Variants in RTTN observed in about 807,000 individuals in gnomAD.
The protein encoded by RTTN is rotatin.
Under a neutral mutation model 269.2 loss-of-function variants are expected in RTTN, and 182 were observed. The ratio of observed to expected loss-of-function variants is 0.68; its 90% CI spans 0.60 to 0.76. The LOEUF (loss-of-function observed/expected upper bound fraction) is 0.76. Ranked by LOEUF, RTTN falls within the 30% of genes least tolerant of loss-of-function variation. The pLI is 0.00. For missense variants in RTTN, 2,545 were observed against 2,608.6 expected (o/e 0.98, Z 0.53); for synonymous variants, 1,006 against 963.5 (o/e 1.04, Z -0.82).
chr18:70,014,569 C>T (rs930597571), intron 46 of RTTN, among the ~76,000 whole-genome samples: 2 of 152,180 alleles, frequency 1.3e-5, no homozygotes, highest in Non-Finnish European at 2.9e-5. Flanking sequence ...CTGCTAAGTA[C>T]CCACAGGCAC....
In RTTN at chr18:70,150,668, T is replaced by G. The variant is rs2145795042; in HGVS notation, c.1995A>C (p.Leu665=). ...VSSLCNGIHF[L]LHPKVLYEIS... ...TTTCATACAGAACTTTTGGATGAAG[T>G]AGAAAATGAATTCCATTGCAAAGTG... Residue 665 remains leucine (L), a synonymous_variant, in exon 15 of 49, where the codon CTA becomes CTC. Transcript: ENST00000640769. 6.2e-7 allele frequency: 1 copy of G among 1,611,742 alleles called. No individual in the cohort carries two copies. The highest frequency in any genetic ancestry group is 8.5e-7 in the Non-Finnish European group (1 of 1,178,086).
At chr18:70,046,702 A>T (rs1479959957) in intron 40 of RTTN, among the ~76,000 whole-genome samples, 1 of 152,180 alleles carries the variant, frequency 6.6e-6, no homozygotes, top group Non-Finnish European at 1.5e-5. Flanking sequence ...GCCTCCCAAG[A>T]ATAAGAGGCT....
In RTTN at chr18:70,088,094, G is replaced by A. The variant is rs1405776284; in HGVS notation, c.4197C>T (p.Gly1399=). 1 of 1,613,922 alleles carries A rather than the reference G, an allele frequency of 6.2e-7. No homozygotes were observed. Residue 1399 remains glycine, a synonymous_variant, in exon 31 of 49, where the codon GGC becomes GGT. Transcript: ENST00000640769. ...GACAACTGTTTGCTAAGGCCACACA[G>A]CCCGTTTCAAGGGTGGTCAGTGCTG... ...LGSALTTLET[G]CVALANSCQN...
chr18:70,169,988 T>C (rs910902905), intron 11 of RTTN, among the ~76,000 whole-genome samples: 1 of 152,174 alleles, frequency 6.6e-6, no homozygotes, highest in Admixed American at 6.5e-5. Flanking sequence ...TACCTTTAAA[T>C]GAATATAGTT....
chr18:70,082,506 C>T (rs1438753261), intron 32 of RTTN, among the ~76,000 whole-genome samples: 5 of 152,250 alleles, frequency 3.3e-5, no homozygotes, highest in South Asian at 2.1e-4. Flanking sequence ...TTCAGGGATA[C>T]GGATTTCTGA....
rs1599396964 is a variant in RTTN, at chr18:70,073,934, G to C, written c.4625C>G (p.Pro1542Arg). ...APSRTSQDRD[P>R]SSLSTSETTV... ...TGTTTCTGAGGTGGAGAGAGAACTTGGATCTCGATCCTGACTTGTCCTAGA... is the reference window on the plus strand; with the variant it reads ...TGTTTCTGAGGTGGAGAGAGAACTTCGATCTCGATCCTGACTTGTCCTAGA... The change falls in exon 34 of 49, where the codon CCA becomes CGA. Residue 1542 changes from proline to arginine, a missense_variant. Pro to Arg is a moderately radical substitution (Grantham distance 103, BLOSUM62 -2). Coordinates refer to ENST00000640769, the MANE Select transcript of RTTN (RefSeq NM_173630.4). The C allele has an allele frequency of 3.7e-6, 6 of 1,611,508 alleles. No individual in the cohort carries two copies. In the East Asian group the frequency reaches 1.3e-4, roughly 36 times the overall value.
At chr18:70,005,173 T>C (rs1168873401) in intron 48 of RTTN, 25 bp downstream of exon 48, 3 of 1,558,076 alleles carry the variant, frequency 1.9e-6, no homozygotes, top group East Asian at 4.5e-5. Flanking sequence ...AGTTTAACTA[T>C]AATCTCTTTC....
intron 34 of RTTN, among the ~76,000 whole-genome samples, chr18:70,067,912 A>G (rs2144989408): frequency 6.6e-6 from 1 of 152,352 alleles, no homozygotes; most frequent in Admixed American, 6.5e-5. Flanking sequence ...AGTCCACAGA[A>G]GGGATACACA....
intron 34 of RTTN, among the ~76,000 whole-genome samples, chr18:70,067,316 C>T (rs575391636): frequency 2.6e-5 from 4 of 152,052 alleles, no homozygotes; most frequent in African/African-American, 4.8e-5. Flanking sequence ...CCCGCCACCA[C>T]GCCCGGCTAA....
At position 70,030,076 on chromosome 18, in the gene RTTN, T is replaced by A; in HGVS notation, c.5681A>T (p.Lys1894Ile). Residue 1894 changes from lysine to isoleucine, a missense_variant, in exon 42 of 49, where the codon AAA becomes ATA. Transcript: ENST00000640769. ...NLIDNCMEQMKHINAQLNLDS... is the reference protein window; with the variant it reads ...NLIDNCMEQMIHINAQLNLDS... ...TAGGTTCAGTTGTGCATTTATGTGTTTCATCTGCTCCATGCAATTGTCTAT... is the reference window on the plus strand; with the variant it reads ...TAGGTTCAGTTGTGCATTTATGTGTATCATCTGCTCCATGCAATTGTCTAT... 1 of 1,612,894 alleles carries A rather than the reference T, an allele frequency of 6.2e-7. No individual in the cohort carries two copies. The highest frequency in any genetic ancestry group is 8.5e-7 in the Non-Finnish European group (1 of 1,179,606).
At chr18:70,183,663 C>T (rs181871056) in intron 10 of RTTN, among the ~76,000 whole-genome samples, 385 of 152,258 alleles carry the variant, frequency 2.5e-3, no homozygotes, top group African/African-American at 8.7e-3. Context: ...TGGCTTCTAT[C>T]TACTAGAAGC....
chr18:70,039,245 A>G (rs1049334382), intron 40 of RTTN, among the ~76,000 whole-genome samples: 1 of 152,158 alleles, frequency 6.6e-6, no homozygotes, highest in Non-Finnish European at 1.5e-5. Flanking sequence ...AACCCAAAGA[A>G]GACATTTAAG....
intron 32 of RTTN, among the ~76,000 whole-genome samples, chr18:70,076,393 T>A (rs571134169): frequency 6.6e-6 from 1 of 151,978 alleles, no homozygotes; most frequent in Non-Finnish European, 1.5e-5. Context: ...ATATTGCAAG[T>A]TGACCTTTAA....
chr18:70,185,151 T>TAAA (rs568050429), intron 10 of RTTN, among the ~76,000 whole-genome samples: 1 of 145,922 alleles, frequency 6.9e-6, no homozygotes. Context: ...TGTATACCCA[T>TAAA]AAAAAAAAAA....
chr18:70,065,959 C>G (rs755049056), intron 34 of RTTN, 37 bp from the exon 35 acceptor site: 1 of 1,446,276 alleles, frequency 6.9e-7, no homozygotes, highest in Non-Finnish European at 9.4e-7. Context: ...ATTAATGTTA[C>G]AGTACGGAAA....
At chr18:70,060,515 A>G (rs2057952023) in intron 35 of RTTN, among the ~76,000 whole-genome samples, 1 of 152,198 alleles carries the variant, frequency 6.6e-6, no homozygotes, top group South Asian at 2.1e-4. Context: ...TGGGGTACAC[A>G]TGATATTTTG....
At chr18:70,061,445 A>ATG (rs1250901965) in intron 35 of RTTN, 1 of 456,224 alleles carries the variant, frequency 2.2e-6, no homozygotes, top group Admixed American at 2.3e-5. Context: ...TGGGCACTAA[A>ATG]TGTATACATT....
At position 70,086,588 on chromosome 18, in the gene RTTN, T is replaced by C. The variant is rs963021453; in HGVS notation, c.4374+25A>G. 3.4e-6 allele frequency: 5 copies of C among 1,485,192 alleles called. No individual in the cohort carries two copies. The East Asian group carries it at 9.1e-5, about 27-fold the overall frequency. 92.0% of individuals were successfully genotyped at this position (1,485,192 alleles called of 1,614,324 possible). A position where few individuals can be genotyped will look rare whatever the true frequency, so the allele number is the denominator to read the frequency against. On this transcript the variant is annotated intron_variant, in intron 32 of 48. Transcript: ENST00000640769. ...CAATTAATTTGAAACATCTACTAGG[T>C]TGATAATTGTTTAAAATCACCCACC...
chr18:70,066,896 C>G (rs1335088394), intron 34 of RTTN, among the ~76,000 whole-genome samples: 2 of 152,114 alleles, frequency 1.3e-5, no homozygotes, highest in Non-Finnish European at 2.9e-5. Context: ...GAAGAAATTA[C>G]TAAAAATGGA....
Sources: gnomAD v4.1 joint callset for allele counts (sites outside exome capture counted in the v4.1 genomes callset) on GRCh38, gnomAD v4.1.1 for gene constraint, MANE v1.5 for transcripts, NCBI Gene and HGNC (gene_info 2026-07-23, HGNC 2026-07-21) for gene names.